CCL17: variants seen among roughly 807,000 people sequenced by gnomAD.
CCL17 encodes the protein C-C motif chemokine 17.
In CCL17, 8 loss-of-function variants were observed where a neutral mutation model predicts 7.4. The observed-to-expected ratio is 1.09, with a 90% confidence interval of 0.64 to 1.96. CCL17 has a LOEUF of 1.96. Ranked by LOEUF, CCL17 falls within the 30% of genes most tolerant of loss-of-function variation. The pLI is 0.00. For synonymous variants in CCL17, 40 were observed against 46.1 expected, an observed-to-expected ratio of 0.87 and a Z score of 0.54; for missense variants, 102 against 113.0, an observed-to-expected ratio of 0.90 and a Z score of 0.44.
At chr16:57,414,705 G>T (rs1327984335) in intron 2 of CCL17, among the ~76,000 whole-genome samples, 3 of 152,086 alleles carry the variant, frequency 2.0e-5, no homozygotes, top group Non-Finnish European at 4.4e-5. Context: ...ACTGAAAAAA[G>T]AGATTCTTAT....
intron 1 of CCL17, among the ~76,000 whole-genome samples, chr16:57,413,061 G>A (rs75548800): frequency 1.8e-3 from 279 of 152,314 alleles, no homozygotes; most frequent in African/African-American, 5.8e-3. Flanking sequence ...CTGACCAGGC[G>A]TCCAGTACTG....
chr16:57,412,073 A>C (rs557094827), intron 1 of CCL17, among the ~76,000 whole-genome samples: 1 of 152,346 alleles, frequency 6.6e-6, no homozygotes, highest in Non-Finnish European at 1.5e-5. Context: ...CCAGAGAAGC[A>C]GAGGAATGTT....
upstream of CCL17, among the ~76,000 whole-genome samples, chr16:57,401,732 G>A (rs573783151): frequency 6.6e-6 from 1 of 152,186 alleles, no homozygotes; most frequent in African/African-American, 2.4e-5. Flanking sequence ...CTGGTGGTGG[G>A]TACAGTAGTG....
chr16:57,413,099 G>C (rs1190565826), intron 1 of CCL17, among the ~76,000 whole-genome samples: 1 of 152,198 alleles, frequency 6.6e-6, no homozygotes, highest in Non-Finnish European at 1.5e-5. Flanking sequence ...TGCTAGAAGT[G>C]AGAAGCAGCA....
At chr16:57,414,396 T>C (rs1191753484) in intron 2 of CCL17, among the ~76,000 whole-genome samples, 2 of 148,596 alleles carry the variant, frequency 1.3e-5, no homozygotes, top group Non-Finnish European at 3.0e-5. Flanking sequence ...TCCAAGAGCA[T>C]GTAAAAAAGG....
At chr16:57,399,977 GC>G (rs1390638198), upstream of CCL17, among the ~76,000 whole-genome samples, 2 of 152,132 alleles carry the variant, frequency 1.3e-5, no homozygotes, top group East Asian at 3.8e-4. Context: ...CTGCAACCAA[GC>G]AGATGGGAGC....
At chr16:57,403,647 A>T (rs796421758), upstream of CCL17, among the ~76,000 whole-genome samples, 2 of 81,708 alleles carry the variant, frequency 2.4e-5, no homozygotes, top group Admixed American at 2.2e-4. Flanking sequence ...TTATAAATAT[A>T]TATAATATAT....
upstream of CCL17, among the ~76,000 whole-genome samples, chr16:57,400,503 A>G (rs1197113554): frequency 6.6e-6 from 1 of 151,662 alleles, no homozygotes; most frequent in Non-Finnish European, 1.5e-5. Context: ...TGAGAGGCCC[A>G]ATGGTCATTC....
intron 1 of CCL17, among the ~76,000 whole-genome samples, chr16:57,412,840 C>G (rs1231749612): frequency 6.6e-6 from 1 of 152,166 alleles, no homozygotes; most frequent in Non-Finnish European, 1.5e-5. Context: ...CTCGGGTGGC[C>G]AGGGGACTGA....
At chr16:57,399,779 G>A (rs142645506), upstream of CCL17, among the ~76,000 whole-genome samples, 37 of 152,244 alleles carry the variant, frequency 2.4e-4, no homozygotes, top group East Asian at 7.2e-3. Flanking sequence ...GAGGTTCACT[G>A]TCCACATGAT....
chr16:57,397,924 T>C, the CCL17 span, among the ~76,000 whole-genome samples: 1 of 152,036 alleles, frequency 6.6e-6, no homozygotes, highest in African/African-American at 2.4e-5. Flanking sequence ...CATCAGCATA[T>C]AGGTTAAGGT....
chr16:57,402,668 G>A (rs1459533673), upstream of CCL17, among the ~76,000 whole-genome samples: 1 of 152,128 alleles, frequency 6.6e-6, no homozygotes, highest in Non-Finnish European at 1.5e-5. Context: ...TGAATAAAAG[G>A]CACTCATTTA....
At chr16:57,413,354 G>A (rs550382878) in intron 1 of CCL17, among the ~76,000 whole-genome samples, 2 of 152,022 alleles carry the variant, frequency 1.3e-5, no homozygotes, top group African/African-American at 2.4e-5. Context: ...GCCCATGCCC[G>A]GCAGCCAGGG....
chr16:57,403,401 ATT>A (rs1326697684), upstream of CCL17, among the ~76,000 whole-genome samples: 3 of 24,124 alleles, frequency 1.2e-4, 1 homozygote, highest in African/African-American at 4.2e-4. Flanking sequence ...TAATATATAT[ATT>A]ATAATATATA....
At chr16:57,407,429 T>G (rs1230221417) in intron 1 of CCL17, among the ~76,000 whole-genome samples, 3 of 152,160 alleles carry the variant, frequency 2.0e-5, no homozygotes, top group African/African-American at 7.2e-5. Context: ...TCTCATGAAA[T>G]GATGGTACAC....
chr16:57,401,702 G>A (rs1231014634), upstream of CCL17, among the ~76,000 whole-genome samples: 6 of 152,102 alleles, frequency 3.9e-5, no homozygotes, highest in Admixed American at 6.5e-5. Context: ...GCTCAGTGAC[G>A]TGGTAATACA....
intron 1 of CCL17, 74 bp downstream of exon 1, chr16:57,404,910 T>C (rs1239686041): frequency 6.5e-6 from 1 of 154,144 alleles, no homozygotes; most frequent in Non-Finnish European, 1.5e-5. Context: ...TTTCAGGGCA[T>C]GTGTTAGATG....
intron 1 of CCL17, among the ~76,000 whole-genome samples, chr16:57,412,334 C>T (rs193261533): frequency 1.3e-5 from 2 of 152,268 alleles, no homozygotes; most frequent in East Asian, 1.9e-4. Context: ...GGGAGAGGAG[C>T]GCCTGAGGCT....
chr16:57,406,361 G>A (rs1005505981), intron 1 of CCL17, among the ~76,000 whole-genome samples: 1 of 152,126 alleles, frequency 6.6e-6, no homozygotes, highest in Admixed American at 6.6e-5. Flanking sequence ...AGACTCCTGG[G>A]CTCAAGCGAT....
Sources: gnomAD v4.1 joint callset for allele counts (sites outside exome capture counted in the v4.1 genomes callset) on GRCh38, gnomAD v4.1.1 for gene constraint, MANE v1.5 for transcripts, NCBI Gene and HGNC (gene_info 2026-07-23, HGNC 2026-07-21) for gene names.